MPP7: variants seen among roughly 807,000 people sequenced by gnomAD.
MPP7 encodes MAGUK p55 subfamily member 7.
A neutral mutation model predicts 76.5 loss-of-function variants in MPP7; 60 were observed. The observed-to-expected ratio is 0.78, with a 90% CI of 0.64 to 0.97. The LOEUF (loss-of-function observed/expected upper bound fraction) is 0.97. Ranked by LOEUF, MPP7 falls within the 50% of genes least tolerant of loss-of-function variation. MPP7 has a pLI of 0.00. For missense variants in MPP7, 641 were observed against 694.0 expected, an observed-to-expected ratio of 0.92 and a Z score of 0.86; for synonymous variants, 237 against 244.5, an observed-to-expected ratio of 0.97 and a Z score of 0.29.
intron 3 of MPP7, among the ~76,000 whole-genome samples, chr10:28,177,342 A>C (rs1232732263): frequency 6.7e-6 from 1 of 150,218 alleles, no homozygotes; most frequent in Admixed American, 6.7e-5. Flanking sequence ...AAGGAGGCAG[A>C]GGTTGTGGTG....
chr10:28,207,290 GA>G (rs200881500), intron 2 of MPP7, among the ~76,000 whole-genome samples: 2 of 150,182 alleles, frequency 1.3e-5, no homozygotes, highest in African/African-American at 2.4e-5. Context: ...TTTTATAACT[GA>G]AAAAAAAAGA....
chr10:28,222,102 G>A (rs182622560), intron 2 of MPP7, among the ~76,000 whole-genome samples: 4 of 151,924 alleles, frequency 2.6e-5, no homozygotes, highest in Admixed American at 1.3e-4. Context: ...TACATCAACA[G>A]GAATCTGAAA....
At chr10:28,132,756 G>A (rs1193259623) in intron 5 of MPP7, among the ~76,000 whole-genome samples, 2 of 152,050 alleles carry the variant, frequency 1.3e-5, no homozygotes, top group Non-Finnish European at 2.9e-5. Flanking sequence ...CCGCCACCAC[G>A]CCTGGCTAGT....
chr10:28,321,633 G>A (rs1413009713), intron 2 of MPP7, among the ~76,000 whole-genome samples: 1 of 152,108 alleles, frequency 6.6e-6, no homozygotes, highest in East Asian at 1.9e-4. Context: ...CACCCAGGCT[G>A]GAGTGCAGTG....
At chr10:28,181,535 GC>G (rs529631077) in intron 3 of MPP7, among the ~76,000 whole-genome samples, 76,127 of 152,140 alleles carry the variant, frequency 0.5, 21,401 homozygotes, top group Middle Eastern at 0.72. Context: ...TGAGATGTGA[GC>G]ATCTATTATC....
At chr10:28,266,051 C>A (rs1343011510) in intron 1 of MPP7, among the ~76,000 whole-genome samples, 1 of 152,092 alleles carries the variant, frequency 6.6e-6, no homozygotes, top group Non-Finnish European at 1.5e-5. Context: ...CCTCCGCCTC[C>A]CGAGTTCAAG....
chr10:28,284,228 C>T (rs1840744731), intron 1 of MPP7, among the ~76,000 whole-genome samples: 1 of 152,132 alleles, frequency 6.6e-6, no homozygotes, highest in African/African-American at 2.4e-5. Flanking sequence ...ACCAGTGTCA[C>T]CAAGATCCCT....
intron 15 of MPP7, among the ~76,000 whole-genome samples, chr10:28,057,475 T>G (rs1564608802): frequency 6.6e-6 from 1 of 152,096 alleles, no homozygotes; most frequent in Non-Finnish European, 1.5e-5. Context: ...GCTCTGGCCA[T>G]GTGAAGTGCT....
At chr10:28,133,915 T>C (rs543148774) in intron 5 of MPP7, among the ~76,000 whole-genome samples, 57 of 152,332 alleles carry the variant, frequency 3.7e-4, no homozygotes, top group African/African-American at 1.3e-3. Flanking sequence ...GCTATATAGT[T>C]TTACAACATA....
chr10:28,125,193 A>G, intron 6 of MPP7, 102 bp from the exon 7 acceptor site: 2 of 969,700 alleles, frequency 2.1e-6, no homozygotes, highest in East Asian at 5.0e-5. Context: ...GAAAACAACT[A>G]CAAAAACGAA....
At chr10:28,200,855 G>A (rs916473205) in intron 3 of MPP7, among the ~76,000 whole-genome samples, 1 of 152,034 alleles carries the variant, frequency 6.6e-6, no homozygotes, top group African/African-American at 2.4e-5. Flanking sequence ...TTGTTTGGAG[G>A]CATGCTTATT....
intron 1 of MPP7, among the ~76,000 whole-genome samples, 167 bp downstream of exon 1, chr10:28,302,694 C>A (rs980371306): frequency 3.3e-5 from 5 of 151,976 alleles, no homozygotes; most frequent in Non-Finnish European, 7.4e-5. Flanking sequence ...ACAAGGTGCC[C>A]GCCGCGGGCT....
chr10:28,139,138 G>A (rs1359450937), intron 5 of MPP7, among the ~76,000 whole-genome samples: 1 of 152,156 alleles, frequency 6.6e-6, no homozygotes, highest in Admixed American at 6.5e-5. Context: ...AGAGCTCCCC[G>A]CTTCTAGTGA....
intron 3 of MPP7, 36 bp downstream of exon 3, chr10:28,202,117 T>A: frequency 6.9e-7 from 1 of 1,450,594 alleles, no homozygotes; most frequent in Non-Finnish European, 9.6e-7. Flanking sequence ...TTCCATATGC[T>A]TTTCGCAAAG....
intron 1 of MPP7, among the ~76,000 whole-genome samples, chr10:28,298,937 C>T (rs183948045): frequency 6.6e-6 from 1 of 152,334 alleles, no homozygotes; most frequent in Non-Finnish European, 1.5e-5. Context: ...AACTTTTCTT[C>T]TGTAACTTCC....
Position 28,212,724 on chromosome 10 carries a change from C to T in MPP7, c.38-10453G>A, listed in dbSNP as rs552415105. On this transcript the variant is annotated intron_variant, in intron 2 of 16. Coordinates refer to ENST00000683449, the MANE Select transcript of MPP7 (RefSeq NM_001318170.2). ...CACTCCGAGTGCTGTAATCTCACGT[C>T]CTAGAAAGAGAGTGTCAAGGAAGAA... Among the ~76,000 whole-genome samples, 31 of 152,274 alleles carry T rather than the reference C, an allele frequency of 2.0e-4. No individual in the cohort carries two copies. The South Asian group carries it at 5.4e-3, about 26-fold the overall frequency.
intron 2 of MPP7, among the ~76,000 whole-genome samples, chr10:28,221,949 T>G (rs1292443725): frequency 1.3e-5 from 2 of 152,202 alleles, no homozygotes; most frequent in Admixed American, 1.3e-4. Flanking sequence ...GAAATCATCT[T>G]CTAGATATGA....
intron 3 of MPP7, among the ~76,000 whole-genome samples, chr10:28,153,597 G>C (rs1316690294): frequency 6.6e-6 from 1 of 152,058 alleles, no homozygotes; most frequent in African/African-American, 2.4e-5. Flanking sequence ...TATGTAAGCA[G>C]TTCTCATAAG....
chr10:28,304,763 C>T (rs754726222), upstream of MPP7, among the ~76,000 whole-genome samples: 2 of 152,062 alleles, frequency 1.3e-5, no homozygotes, highest in Admixed American at 6.5e-5. Flanking sequence ...ACAATAACAC[C>T]TGAAATTCCA....
Sources: allele counts gnomAD v4.1 joint callset (sites outside exome capture counted in the v4.1 genomes callset), GRCh38; gene constraint gnomAD v4.1.1; transcripts MANE v1.5; gene names NCBI Gene and HGNC (gene_info 2026-07-23, HGNC 2026-07-21).